The following SLC26A7 variants were observed in gnomAD, a reference collection of about 807,000 sequenced individuals.
SLC26A7 encodes the protein solute carrier family 26 member 7, also known as anion exchange transporter.
In SLC26A7, 59 loss-of-function variants were observed where a neutral mutation model predicts 82.5. The observed-to-expected ratio is 0.72, with a 90% CI of 0.58 to 0.89. The LOEUF (loss-of-function observed/expected upper bound fraction) is 0.89, where lower values mean the gene tolerates loss of function less well. SLC26A7 is among the 40% of genes least tolerant of loss of function. The pLI is 0.00. For missense variants in SLC26A7, 820 were observed against 793.0 expected, an observed-to-expected ratio of 1.03 and a Z score of -0.41; for synonymous variants, 271 against 274.3, an observed-to-expected ratio of 0.99 and a Z score of 0.12.
chr8:91,267,555 T>C (rs1811147898), intron 2 of SLC26A7, among the ~76,000 whole-genome samples: 4 of 152,086 alleles, frequency 2.6e-5, no homozygotes, highest in Admixed American at 2.0e-4. Flanking sequence ...CAATAGTTGT[T>C]CACAATAGTC....
intron 2 of SLC26A7, among the ~76,000 whole-genome samples, chr8:91,252,738 G>A (rs1216648157): frequency 6.6e-6 from 1 of 152,076 alleles, no homozygotes; most frequent in East Asian, 1.9e-4. Flanking sequence ...TGTATACACT[G>A]CAAGACTACC....
chr8:91,217,567 A>G (rs1810074803), intron 1 of SLC26A7, among the ~76,000 whole-genome samples: 1 of 152,096 alleles, frequency 6.6e-6, no homozygotes, highest in Non-Finnish European at 1.5e-5. Context: ...CCATTGTCAG[A>G]GGGAAGCAAT....
At chr8:91,234,191 T>C (rs1810353925) in intron 2 of SLC26A7, among the ~76,000 whole-genome samples, 1 of 152,248 alleles carries the variant, frequency 6.6e-6, no homozygotes, top group Non-Finnish European at 1.5e-5. Flanking sequence ...ACCATCTTTC[T>C]GTGTGTTAAA....
In SLC26A7 at chr8:91,318,387, T is replaced by C; in HGVS notation, c.642+7T>C. The stretch of plus-strand genomic sequence containing the variant: ...ACCACTTGGATTCTTTTATGTGAGT[T>C]TTTCGTATGCTTTCATACATATCTT... On this transcript the variant is annotated splice_region_variant and intron_variant, in intron 5 of 18. Transcript: ENST00000276609. 1 of 1,595,256 alleles carries C rather than the reference T, an allele frequency of 6.3e-7. No individual in the cohort carries two copies. Among genetic ancestry groups the C allele is most frequent in the South Asian group, 1.1e-5 (1 of 89,056 alleles).
intron 10 of SLC26A7, 44 bp downstream of exon 10, chr8:91,351,931 T>C: frequency 7.4e-7 from 1 of 1,344,102 alleles, no homozygotes; most frequent in Middle Eastern, 1.8e-4. Context: ...ATTTAACTTT[T>C]CATGAGAATC....
At chr8:91,316,561 AC>A (rs1812639549) in intron 4 of SLC26A7, among the ~76,000 whole-genome samples, 1 of 130,898 alleles carries the variant, frequency 7.6e-6, no homozygotes, top group Non-Finnish European at 1.5e-5. Context: ...TCCTGCCTCG[AC>A]CTCCCAAAGT....
chr8:91,215,385 G>A (rs886771371), intron 1 of SLC26A7, among the ~76,000 whole-genome samples: 1 of 151,950 alleles, frequency 6.6e-6, no homozygotes, highest in Non-Finnish European at 1.5e-5. Context: ...ATTTCTCAAA[G>A]TTTAAAATAT....
Position 91,395,118 on chromosome 8 carries a change from GC to G in SLC26A7, c.*22del, listed in dbSNP as rs1808533223. ...TCTGAGACCCTTTTGTCACAGTACA[GC>G]TCTTGTCTTTACCAACTGCCTGAAG... On this transcript the variant is annotated 3_prime_UTR_variant, in exon 19 of 19. Coordinates refer to ENST00000276609, the MANE Select transcript of SLC26A7 (RefSeq NM_052832.4). 8 of 1,612,934 alleles carry G rather than the reference GC, an allele frequency of 5.0e-6. 1 individual carries two copies. The East Asian group carries it at 1.8e-4, about 36-fold the overall frequency.
intron 2 of SLC26A7, among the ~76,000 whole-genome samples, chr8:91,283,670 A>G (rs953397742): frequency 2.6e-5 from 4 of 152,178 alleles, no homozygotes; most frequent in Admixed American, 2.6e-4. Context: ...TTCTAGGCTT[A>G]AGTTTTTAAA....
chr8:91,389,987 C>T (rs1435483188), intron 16 of SLC26A7, among the ~76,000 whole-genome samples: 1 of 152,170 alleles, frequency 6.6e-6, no homozygotes, highest in Admixed American at 6.5e-5. Flanking sequence ...AAATAACACT[C>T]CACTTATGGC....
chr8:91,334,214 GA>G, intron 5 of SLC26A7, 80 bp from the exon 6 acceptor site: 1 of 1,289,026 alleles, frequency 7.8e-7, no homozygotes, highest in Non-Finnish European at 1.1e-6. Context: ...AAACATCATT[GA>G]GTTTATTGGG....
chr8:91,347,935 A>AG (rs1381765762), intron 9 of SLC26A7, among the ~76,000 whole-genome samples: 1 of 152,176 alleles, frequency 6.6e-6, no homozygotes, highest in East Asian at 1.9e-4. Context: ...TAAGTATGGG[A>AG]GGGAGCTCAG....
At chr8:91,381,871 T>G (rs964588330) in intron 15 of SLC26A7, among the ~76,000 whole-genome samples, 3 of 152,190 alleles carry the variant, frequency 2.0e-5, no homozygotes, top group African/African-American at 7.2e-5. Context: ...ACCTGTAACT[T>G]TGTTTCATTA....
At chr8:91,295,322 C>T (rs368210517) in intron 3 of SLC26A7, among the ~76,000 whole-genome samples, 2 of 152,066 alleles carry the variant, frequency 1.3e-5, no homozygotes, top group African/African-American at 2.4e-5. Context: ...AGTGGCTGTA[C>T]GTTGAATGAA....
chr8:91,330,080 AG>A (rs1459706435), intron 5 of SLC26A7, among the ~76,000 whole-genome samples: 11 of 152,188 alleles, frequency 7.2e-5, no homozygotes, highest in African/African-American at 2.7e-4. Flanking sequence ...AAAGATAAAA[AG>A]CAAAGCTACC....
chr8:91,340,518 CA>C lies in SLC26A7; in HGVS notation c.999del (p.Lys333AsnfsTer20), dbSNP rs1813376628. 6.2e-7 allele frequency: 1 copy of C among 1,613,670 alleles called. No homozygotes were observed. The highest frequency in any genetic ancestry group is 1.7e-5 in the Admixed American group (1 of 59,972). ...ASLALAQGSA[K>X]KFKYSIDDNQ... ...CACTGGCTCTTGCTCAAGGATCTGC[CA>C]AAAAATTCAAATATTCAATTGATGA... is the stretch of plus-strand genomic sequence containing the variant. On this transcript the variant is annotated frameshift_variant, in exon 8 of 19. Transcript: ENST00000276609. LOFTEE classifies it high-confidence loss of function.
intron 7 of SLC26A7, 147 bp from the exon 8 acceptor site, chr8:91,340,257 T>TC (rs754526676): frequency 1.1e-5 from 10 of 949,836 alleles, no homozygotes; most frequent in Non-Finnish European, 1.6e-5. Context: ...ACGAAGGGCT[T>TC]CTAAGGGCAA....
chr8:91,380,399 T>C (rs890241720), intron 15 of SLC26A7, among the ~76,000 whole-genome samples: 3 of 152,160 alleles, frequency 2.0e-5, no homozygotes, highest in African/African-American at 7.2e-5. Flanking sequence ...TTTTATACAA[T>C]ATTTTAAATA....
intron 2 of SLC26A7, among the ~76,000 whole-genome samples, chr8:91,261,621 A>G (rs1182268793): frequency 6.6e-6 from 1 of 152,084 alleles, no homozygotes; most frequent in Non-Finnish European, 1.5e-5. Context: ...TCAAGGTTTG[A>G]TTTGCTACTG....
Sources: gnomAD v4.1 joint callset for allele counts (sites outside exome capture counted in the v4.1 genomes callset) on GRCh38, gnomAD v4.1.1 for gene constraint, MANE v1.5 for transcripts, NCBI Gene and HGNC (gene_info 2026-07-23, HGNC 2026-07-21) for gene names.